MED13L: variants seen among roughly 807,000 people sequenced by gnomAD.
The protein encoded by MED13L is mediator of RNA polymerase II transcription subunit 13-like.
Under a neutral mutation model 220.9 loss-of-function variants are expected in MED13L, and 7 were observed. The observed-to-expected ratio is 0.03, with a 90% confidence interval of 0.02 to 0.06. The LOEUF (loss-of-function observed/expected upper bound fraction) is 0.06, where lower values mean the gene tolerates loss of function less well. Among genes scored for constraint, MED13L ranks in the 10% least tolerant of loss-of-function variants. The pLI, the probability that MED13L is intolerant of heterozygous loss-of-function variation, is 1.00. For missense variants in MED13L, 1,965 were observed against 2,760.5 expected (o/e 0.71, Z 6.46); for synonymous variants, 1,011 against 1,015.2 (o/e 1.00, Z 0.08).
chr12:115,972,092 A>G lies in MED13L; in HGVS notation c.5876T>C (p.Phe1959Ser). ...AAGAAATTTACCTGGCATCACTACA[A>G]AGGACCCCTGGGGCTCCATGGCAAC... Reference protein sequence around the residue: ...CLVAMEPQGSFVVMPDAVTMG... With the variant: ...CLVAMEPQGSSVVMPDAVTMG... Residue 1959 changes from phenylalanine (F) to serine (S), a missense_variant, in exon 26 of 31, where the codon TTT (phenylalanine) becomes TCT (serine). Phe to Ser is a radical substitution (Grantham distance 155). Around this residue, in one of 10 missense-constraint regions of MED13L, gnomAD observed 145 missense variants for 328.3 expected, o/e 0.44. Coordinates refer to ENST00000281928, the MANE Select transcript of MED13L (RefSeq NM_015335.5). The G allele has an allele frequency of 6.2e-7, 1 of 1,613,942 alleles. No individual in the cohort carries two copies. The highest frequency in any genetic ancestry group is 1.1e-5 in the South Asian group (1 of 91,086).
chr12:116,031,747 AAAGAAAAGAAAAGAAGGAAGGAAGG>A, intron 4 of MED13L, among the ~76,000 whole-genome samples: 1 of 46,444 alleles, frequency 2.2e-5, no homozygotes, highest in South Asian at 7.8e-4. Context: ...AAAGAAAAGA[AAAGAAAAGAAAAGAAGGAAGGAAGG>A]AAGGAAGGAA....
intron 3 of MED13L, among the ~76,000 whole-genome samples, chr12:116,105,127 A>T (rs899184226): frequency 1.3e-5 from 2 of 152,250 alleles, no homozygotes; most frequent in African/African-American, 4.8e-5. Flanking sequence ...ACTCTTGAAA[A>T]ATGATTGCAG....
At position 116,003,037 on chromosome 12, in the gene MED13L, C is replaced by G; in HGVS notation, c.2535G>C (p.Gly845=). 1 of 1,614,146 alleles carries G rather than the reference C, an allele frequency of 6.2e-7. No homozygotes were observed. Among genetic ancestry groups the G allele is most frequent in the East Asian group, 2.2e-5 (1 of 44,876 alleles). Residue 845 remains glycine (G), a synonymous_variant, in exon 14 of 31, where the codon GGG becomes GGC. Transcript: ENST00000281928. ...PAVGTEDRPL[G]KDGRAAVPYP... is the part of the protein sequence containing the mutation. ...AAGGAACAGCAGCTCTTCCATCCTTCCCAAGAGGTCGGTCTTCTGTCCCAA... is the reference window on the plus strand; with the variant it reads ...AAGGAACAGCAGCTCTTCCATCCTTGCCAAGAGGTCGGTCTTCTGTCCCAA...
chr12:116,130,154 A>AATCATACTCTCCTTTGAAAGTG (rs1449215953), intron 2 of MED13L, among the ~76,000 whole-genome samples: 1 of 152,208 alleles, frequency 6.6e-6, no homozygotes, highest in African/African-American at 2.4e-5. Context: ...TAACTATGAA[A>AATCATACTCTCCTTTGAAAGTG]ATCATACTCT....
At chr12:116,119,786 AAGAG>A (rs1451365550) in intron 2 of MED13L, among the ~76,000 whole-genome samples, 5 of 139,164 alleles carry the variant, frequency 3.6e-5, no homozygotes, top group Non-Finnish European at 7.6e-5. Flanking sequence ...CAGCCTAGGC[AAGAG>A]AGAAAGACCC....
At position 116,207,347 on chromosome 12, in the gene MED13L, G is replaced by A. The variant is rs144297305; in HGVS notation, c.310+30121C>T. 7.3e-3 allele frequency among the ~76,000 whole-genome samples: 1,118 copies of A among 152,144 alleles called. 21 individuals are homozygous for A. The highest frequency in any genetic ancestry group is 0.025 in the African/African-American group (1,053 of 41,502). ...CGGAAACACAAACACTTACCATTGT[G>A]TTATACCTGCCTACAGAATTCAGTG... On this transcript the variant is annotated intron_variant, in intron 2 of 30. Transcript: ENST00000281928.
intron 2 of MED13L, among the ~76,000 whole-genome samples, chr12:116,127,311 C>G (rs1875677078): frequency 6.6e-6 from 1 of 151,782 alleles, no homozygotes; most frequent in Non-Finnish European, 1.5e-5. Flanking sequence ...TTTTTCAATT[C>G]CGATTCAAAA....
chr12:116,105,963 C>T (rs1565880054), intron 3 of MED13L, among the ~76,000 whole-genome samples: 1 of 152,136 alleles, frequency 6.6e-6, no homozygotes, highest in Non-Finnish European at 1.5e-5. Context: ...CATTAATGAG[C>T]GACCATGTGC....
intron 4 of MED13L, among the ~76,000 whole-genome samples, chr12:116,053,242 T>TA (rs1868654301): frequency 6.6e-6 from 1 of 152,072 alleles, no homozygotes; most frequent in South Asian, 2.1e-4. Flanking sequence ...GAGTAAAACA[T>TA]AAAACATAAT....
intron 4 of MED13L, among the ~76,000 whole-genome samples, chr12:116,062,853 C>T (rs760342517): frequency 3.9e-5 from 6 of 152,144 alleles, no homozygotes; most frequent in Non-Finnish European, 4.4e-5. Flanking sequence ...CATGGAGTCC[C>T]AGAGGTCTTC....
intron 1 of MED13L, 65 bp downstream of exon 1, chr12:116,276,995 C>T: frequency 1.3e-6 from 2 of 1,495,138 alleles, no homozygotes; most frequent in Non-Finnish European, 1.8e-6. Flanking sequence ...AGTTGGTCGG[C>T]GGCGGAGGTC....
At chr12:116,066,142 G>C (rs1341522053) in intron 4 of MED13L, among the ~76,000 whole-genome samples, 2 of 152,158 alleles carry the variant, frequency 1.3e-5, no homozygotes, top group Non-Finnish European at 2.9e-5. Context: ...TGCACACACA[G>C]AGTTCCATTT....
chr12:116,078,406 G>C (rs1030004446), intron 4 of MED13L, among the ~76,000 whole-genome samples: 1 of 152,068 alleles, frequency 6.6e-6, no homozygotes, highest in African/African-American at 2.4e-5. Context: ...ATTAGTGAAA[G>C]CAGAATAAAT....
chr12:116,058,319 A>C (rs1185949219), intron 4 of MED13L, among the ~76,000 whole-genome samples: 1 of 152,204 alleles, frequency 6.6e-6, no homozygotes, highest in Non-Finnish European at 1.5e-5. Flanking sequence ...GGACACAAAC[A>C]ATATGCTTCC....
intron 1 of MED13L, among the ~76,000 whole-genome samples, chr12:116,271,149 T>A (rs1474656081): frequency 7.0e-6 from 1 of 143,474 alleles, no homozygotes; most frequent in African/African-American, 2.6e-5. Context: ...CAAGAACACA[T>A]ACAAATACTG....
At chr12:115,994,203 T>C (rs890783664) in intron 16 of MED13L, among the ~76,000 whole-genome samples, 10 of 152,198 alleles carry the variant, frequency 6.6e-5, no homozygotes, top group South Asian at 4.2e-4. Context: ...CCCAACACTT[T>C]AGGAGGCCGA....
At chr12:116,205,532 G>GAAAAAAAAAAAAAAAAAAAAAGAAAAA in intron 2 of MED13L, among the ~76,000 whole-genome samples, 1 of 94,030 alleles carries the variant, frequency 1.1e-5, no homozygotes, top group Middle Eastern at 6.2e-3. Flanking sequence ...CAAAGGAAGA[G>GAAAAAAAAAAAAAAAAAAAAAGAAAAA]AAAAAAAAAA....
chr12:116,204,037 T>C (rs1882166903), intron 2 of MED13L, among the ~76,000 whole-genome samples: 1 of 152,194 alleles, frequency 6.6e-6, no homozygotes, highest in South Asian at 2.1e-4. Context: ...TTCAGAAGGC[T>C]TCAATATGCA....
chr12:116,011,753 A>G (rs558100395), intron 9 of MED13L, among the ~76,000 whole-genome samples: 2 of 152,342 alleles, frequency 1.3e-5, no homozygotes, highest in East Asian at 3.9e-4. Context: ...TGAAAAATCA[A>G]TAATGAGTTT....
Sources: allele counts gnomAD v4.1 joint callset (sites outside exome capture counted in the v4.1 genomes callset), GRCh38; gene constraint gnomAD v4.1.1; regional missense constraint gnomAD v4.1.1; transcripts MANE v1.5; gene names NCBI Gene and HGNC (gene_info 2026-07-23, HGNC 2026-07-21).